TNR: variants seen among roughly 807,000 people sequenced by gnomAD.
The protein encoded by TNR is tenascin-R.
In TNR, 45 loss-of-function variants were observed where a neutral mutation model predicts 150.4. The ratio of observed to expected loss-of-function variants is 0.30; its 90% CI spans 0.24 to 0.38. The LOEUF is 0.38. Among genes scored for constraint, TNR ranks in the 10% least tolerant of loss-of-function variants. The pLI is 1.00. For missense variants in TNR, 1,544 were observed against 1,759.1 expected (o/e 0.88, Z 2.19); for synonymous variants, 687 against 678.4 (o/e 1.01, Z -0.20).
chr1:175,523,936 T>C (rs1659747741), intron 2 of TNR, among the ~76,000 whole-genome samples: 1 of 152,196 alleles, frequency 6.6e-6, no homozygotes, highest in Non-Finnish European at 1.5e-5. Context: ...GTCAGGCTGC[T>C]TTGGTCCCAT....
At chr1:175,553,817 A>AAC (rs58714689) in intron 1 of TNR, among the ~76,000 whole-genome samples, 1,704 of 145,468 alleles carry the variant, frequency 0.012, 31 homozygotes, top group African/African-American at 0.031. Context: ...TACAAGAACA[A>AAC]ACACACACAC....
chr1:175,608,716 G>A (rs777914765), intron 1 of TNR, among the ~76,000 whole-genome samples: 1 of 152,188 alleles, frequency 6.6e-6, no homozygotes, highest in Non-Finnish European at 1.5e-5. Context: ...GCAAGAATAG[G>A]AGATTAAGAG....
chr1:175,397,042 G>A (rs1204588429), intron 4 of TNR, among the ~76,000 whole-genome samples: 1 of 152,162 alleles, frequency 6.6e-6, no homozygotes, highest in Non-Finnish European at 1.5e-5. Flanking sequence ...CTACTGGCTT[G>A]TAAATGCTGA....
chr1:175,733,731 C>G (rs563354664), intron 1 of TNR, among the ~76,000 whole-genome samples: 1 of 152,042 alleles, frequency 6.6e-6, no homozygotes, highest in Non-Finnish European at 1.5e-5. Context: ...TGCTTTCCTC[C>G]CCTCCAGAAC....
At chr1:175,411,998 G>A (rs1654236061) in intron 2 of TNR, among the ~76,000 whole-genome samples, 1 of 152,156 alleles carries the variant, frequency 6.6e-6, no homozygotes, top group South Asian at 2.1e-4. Flanking sequence ...GGTTTGGGCT[G>A]CAACCAATCA....
At chr1:175,729,600 T>C (rs561150679) in intron 1 of TNR, among the ~76,000 whole-genome samples, 1 of 152,228 alleles carries the variant, frequency 6.6e-6, no homozygotes, top group Non-Finnish European at 1.5e-5. Context: ...GTCTCTTCCT[T>C]CCTCCCTCCC....
chr1:175,714,110 G>T (rs1667090858), intron 1 of TNR, among the ~76,000 whole-genome samples: 1 of 151,388 alleles, frequency 6.6e-6, no homozygotes, highest in South Asian at 2.1e-4. Context: ...TCCAATAGCT[G>T]CCCTCTCTTT....
chr1:175,605,050 T>C (rs1663366471), intron 1 of TNR, among the ~76,000 whole-genome samples: 1 of 152,148 alleles, frequency 6.6e-6, no homozygotes, highest in East Asian at 1.9e-4. Context: ...GGAGAAAGTG[T>C]AGGCAAAAGA....
rs534380017 is a variant in TNR at position 175,404,252 on chromosome 1, G to A, written c.500-636C>T. 2.8e-4 allele frequency among the ~76,000 whole-genome samples: 43 copies of A among 152,260 alleles called. No homozygotes were observed. The South Asian group carries it at 8.7e-3, about 31-fold the overall frequency. On this transcript the variant is annotated intron_variant, in intron 3 of 22. Coordinates refer to ENST00000367674, the MANE Select transcript of TNR (RefSeq NM_003285.3). ...AGGGACCTAAGGAGGTATAGGCTGA[G>A]CACTGAGTCCACTGTGCAGAGAAAG...
At chr1:175,457,247 G>C (rs1296613025) in intron 2 of TNR, among the ~76,000 whole-genome samples, 1 of 152,224 alleles carries the variant, frequency 6.6e-6, no homozygotes, top group African/African-American at 2.4e-5. Flanking sequence ...TGGTCGGTTA[G>C]GGAGACTTGA....
At chr1:175,324,290 T>C in intron 22 of TNR, 66 bp downstream of exon 22, 1 of 1,512,632 alleles carries the variant, frequency 6.6e-7, no homozygotes, top group Non-Finnish European at 8.9e-7. Flanking sequence ...TTTTAAAATA[T>C]AAAGCTAAGG....
chr1:175,689,982 A>G (rs1264264631), intron 1 of TNR, among the ~76,000 whole-genome samples: 3 of 152,354 alleles, frequency 2.0e-5, no homozygotes, highest in South Asian at 2.1e-4. Context: ...TAATTGTCAC[A>G]ACATTAAGTA....
chr1:175,357,018 C>A (rs569626854), intron 15 of TNR, among the ~76,000 whole-genome samples: 6 of 152,302 alleles, frequency 3.9e-5, no homozygotes, highest in Middle Eastern at 6.8e-3. Flanking sequence ...TTTGGGAATG[C>A]CATGTGATAT....
chr1:175,486,085 G>A (rs948627981), intron 2 of TNR, among the ~76,000 whole-genome samples: 1 of 151,454 alleles, frequency 6.6e-6, no homozygotes, highest in African/African-American at 2.4e-5. Context: ...GTTTTGGGAT[G>A]AAACTGTTCC....
At chr1:175,456,827 G>A (rs372446449) in intron 2 of TNR, among the ~76,000 whole-genome samples, 1 of 152,132 alleles carries the variant, frequency 6.6e-6, no homozygotes, top group Admixed American at 6.6e-5. Context: ...TCTTAAAAAA[G>A]TTGAAATGAT....
At chr1:175,547,513 G>A (rs529338903) in intron 1 of TNR, among the ~76,000 whole-genome samples, 1 of 152,032 alleles carries the variant, frequency 6.6e-6, no homozygotes, top group East Asian at 1.9e-4. Context: ...ATACTTGAAG[G>A]ATGGGTGGCA....
chr1:175,549,542 G>A (rs1436392300), intron 1 of TNR, among the ~76,000 whole-genome samples: 6 of 152,182 alleles, frequency 3.9e-5, no homozygotes, highest in Admixed American at 6.5e-5. Flanking sequence ...CCTGTGATGA[G>A]GTTATGTTAC....
intron 1 of TNR, among the ~76,000 whole-genome samples, chr1:175,718,019 G>C (rs1396572808): frequency 1.3e-5 from 2 of 152,246 alleles, no homozygotes; most frequent in Admixed American, 1.3e-4. Flanking sequence ...AGAGGTTTCT[G>C]TTCACGTAAG....
intron 2 of TNR, among the ~76,000 whole-genome samples, chr1:175,411,178 C>T (rs1198799760): frequency 6.6e-6 from 1 of 152,102 alleles, no homozygotes. Flanking sequence ...ACTAGCATTG[C>T]TAATAATGAA....
Sources: gnomAD v4.1 joint callset for allele counts (sites outside exome capture counted in the v4.1 genomes callset) on GRCh38, gnomAD v4.1.1 for gene constraint, MANE v1.5 for transcripts, NCBI Gene and HGNC (gene_info 2026-07-23, HGNC 2026-07-21) for gene names.